Variants in ZDHHC11 observed in about 807,000 individuals in gnomAD.
ZDHHC11 encodes palmitoyltransferase ZDHHC11.
A neutral mutation model predicts 51.3 loss-of-function variants in ZDHHC11; 44 were observed. The ratio of observed to expected loss-of-function variants is 0.86; its 90% CI spans 0.67 to 1.10. The LOEUF is 1.10. Ranked by LOEUF, ZDHHC11 falls within the 50% of genes least tolerant of loss-of-function variation. The pLI, the probability that ZDHHC11 is intolerant of heterozygous loss-of-function variation, is 0.00. For missense variants in ZDHHC11, 400 were observed against 537.7 expected (o/e 0.74, Z 2.53); for synonymous variants, 163 against 222.0 (o/e 0.73, Z 2.36).
chr5:846,543 G>C (rs112874620), intron 3 of ZDHHC11, among the ~76,000 whole-genome samples: 13 of 132,766 alleles, frequency 9.8e-5, no homozygotes, highest in African/African-American at 2.9e-4. Context: ...GGGGAAACAC[G>C]TCTCATCTGT....
chr5:844,128 C>T (rs1301942509), intron 3 of ZDHHC11, among the ~76,000 whole-genome samples: 11 of 151,938 alleles, frequency 7.2e-5, no homozygotes, highest in Non-Finnish European at 1.5e-4. Context: ...GGCCACCGCC[C>T]AACGCTGGCC....
intron 12 of ZDHHC11, among the ~76,000 whole-genome samples, chr5:800,180 G>A (rs918320829): frequency 6.6e-6 from 1 of 151,104 alleles, no homozygotes; most frequent in African/African-American, 2.4e-5. Context: ...GTGGGAAGCT[G>A]CCTGGAGCAC....
rs1000595979 is a variant in ZDHHC11, at chr5:795,672, T to C, written c.*916A>G. On this transcript the variant is annotated 3_prime_UTR_variant, in exon 13 of 13. Coordinates refer to ENST00000283441, the MANE Select transcript of ZDHHC11 (RefSeq NM_024786.3). ...TTTTAAAAAATGACTACTAAACAGATTAAAATGCAGAGTTCATTAAAATAC... is the reference window on the plus strand; with the variant it reads ...TTTTAAAAAATGACTACTAAACAGACTAAAATGCAGAGTTCATTAAAATAC... The C allele has an allele frequency of 1.9e-5, 3 of 154,064 alleles. No homozygotes were observed. The highest frequency in any genetic ancestry group is 4.4e-5 in the Non-Finnish European group (3 of 67,914). 9.5% of individuals were successfully genotyped at this position (154,064 alleles called of 1,614,324 possible).
In ZDHHC11 at chr5:814,730, C is replaced by G. The variant is rs373922992; in HGVS notation, c.1181+31G>C. 3.9e-6 allele frequency: 6 copies of G among 1,541,120 alleles called. 1 individual carries two copies. The Admixed American group carries it at 6.4e-5, about 16-fold the overall frequency. On this transcript the variant is annotated intron_variant, in intron 11 of 12. Coordinates refer to ENST00000283441, the MANE Select transcript of ZDHHC11 (RefSeq NM_024786.3). Reference sequence around the variant, plus strand: ...GAGTTCAGGCAAGTGTAGAGACAGACAAAACGTTCCCGTTAAACTTACGAA... The same window carrying G: ...GAGTTCAGGCAAGTGTAGAGACAGAGAAAACGTTCCCGTTAAACTTACGAA...
At position 805,939 on chromosome 5, in the gene ZDHHC11, T is replaced by A. The variant is rs1467848865; in HGVS notation, c.1182-4775A>T. Among the ~76,000 whole-genome samples the A allele has an allele frequency of 2.0e-5, 3 of 151,006 alleles. 1 individual carries two copies. The highest frequency in any genetic ancestry group is 7.3e-5 in the African/African-American group (3 of 41,092). ...TAAGCACAAGGGTGGTAGCTAAGTG[T>A]TCATATATGGAACATGTTGCTGACC... On this transcript the variant is annotated intron_variant, in intron 11 of 12. Transcript: ENST00000283441.
At chr5:809,041 C>G (rs2150306002) in intron 11 of ZDHHC11, among the ~76,000 whole-genome samples, 1 of 141,340 alleles carries the variant, frequency 7.1e-6, no homozygotes, top group South Asian at 2.3e-4. Context: ...CCACCTGTCT[C>G]CTATATGCAG....
At position 850,637 on chromosome 5, in the gene ZDHHC11, A is replaced by G. The variant is rs774762246; in HGVS notation, c.-35T>C. The G allele has an allele frequency of 6.9e-6, 11 of 1,602,102 alleles. No homozygotes were observed. The Admixed American group carries it at 8.4e-5, about 12-fold the overall frequency. On this transcript the variant is annotated 5_prime_UTR_variant, in exon 1 of 13. It removes the in-frame stop codon of an upstream open reading frame in the 5' UTR. Transcript: ENST00000283441. Reference sequence around the variant, plus strand: ...ACAGAAGGGGAGGACCTGCGCCGTCAGATCCTGGGAGGGCCGGCCCCGCCC... The same window carrying G: ...ACAGAAGGGGAGGACCTGCGCCGTCGGATCCTGGGAGGGCCGGCCCCGCCC...
chr5:835,564 T>C (rs1259702277), intron 6 of ZDHHC11, among the ~76,000 whole-genome samples: 1 of 151,994 alleles, frequency 6.6e-6, no homozygotes, highest in Non-Finnish European at 1.5e-5. Context: ...ATCATTTGGC[T>C]AGTACAGTAG....
intron 6 of ZDHHC11, among the ~76,000 whole-genome samples, chr5:834,130 TACA>T (rs1335800267): frequency 6.6e-6 from 1 of 152,308 alleles, no homozygotes; most frequent in African/African-American, 2.4e-5. Context: ...GCAATTTCTC[TACA>T]ACTTCACCAA....
At chr5:834,264 G>T (rs1435749960) in intron 6 of ZDHHC11, among the ~76,000 whole-genome samples, 7 of 152,288 alleles carry the variant, frequency 4.6e-5, no homozygotes, top group African/African-American at 7.2e-5. Flanking sequence ...TTTTCCATGT[G>T]CTTATGTGGC....
intron 11 of ZDHHC11, among the ~76,000 whole-genome samples, chr5:808,191 G>T (rs576895417): frequency 3.5e-4 from 53 of 150,918 alleles, no homozygotes; most frequent in African/African-American, 1.3e-3. Flanking sequence ...GGGGATGGGA[G>T]GGGTCAAGTT....
In ZDHHC11 at chr5:843,894, G is replaced by A. The variant is rs1255631737; in HGVS notation, c.504-170C>T. The A allele has an allele frequency of 3.2e-4, 107 of 330,262 alleles. No individual in the cohort carries two copies. In the African/African-American group the frequency reaches 3.9e-3, roughly 12 times the overall value. 20.5% of individuals were successfully genotyped at this position (330,262 alleles called of 1,614,324 possible). On this transcript the variant is annotated intron_variant, in intron 3 of 12. Coordinates refer to ENST00000283441, the MANE Select transcript of ZDHHC11 (RefSeq NM_024786.3). ...GGGCATGTGGGACAGGTGTGGGGGC[G>A]GGGAGGCAGGGGCAGGGACACGCAG...
intron 3 of ZDHHC11, among the ~76,000 whole-genome samples, chr5:845,002 C>A (rs1487842193): frequency 1.3e-5 from 2 of 152,292 alleles, no homozygotes; most frequent in Non-Finnish European, 2.9e-5. Flanking sequence ...TTATGTTCAC[C>A]TAAGCTTGTT....
intron 1 of ZDHHC11, among the ~76,000 whole-genome samples, chr5:856,692 C>T (rs58153322): frequency 0.019 from 2,833 of 151,796 alleles, 87 homozygotes; most frequent in African/African-American, 0.065. Flanking sequence ...ACACCAACCA[C>T]AAACGCATCA....
intron 3 of ZDHHC11, among the ~76,000 whole-genome samples, chr5:846,681 C>G (rs1449642797): frequency 6.7e-6 from 1 of 148,454 alleles, no homozygotes; most frequent in Admixed American, 6.7e-5. Context: ...GAGCCTCCAC[C>G]ATGCTCAGGG....
At chr5:838,253 C>T (rs1417066979) in intron 5 of ZDHHC11, among the ~76,000 whole-genome samples, 2 of 151,982 alleles carry the variant, frequency 1.3e-5, no homozygotes, top group Admixed American at 1.3e-4. Context: ...AAAGCAAAAC[C>T]TGATACACCC....
chr5:796,817 T>G (rs1348686910), intron 12 of ZDHHC11, among the ~76,000 whole-genome samples: 3 of 152,226 alleles, frequency 2.0e-5, no homozygotes, highest in Non-Finnish European at 4.4e-5. Flanking sequence ...AGCTTAGAGA[T>G]GAGTGCATCA....
chr5:815,810 T>G (rs1740710447), intron 10 of ZDHHC11, among the ~76,000 whole-genome samples: 1 of 151,566 alleles, frequency 6.6e-6, no homozygotes, highest in Non-Finnish European at 1.5e-5. Flanking sequence ...AAAGATAGGT[T>G]GCCCAGGCTG....
chr5:815,572 T>G (rs1202882078), intron 10 of ZDHHC11, among the ~76,000 whole-genome samples: 1 of 151,468 alleles, frequency 6.6e-6, no homozygotes, highest in Non-Finnish European at 1.5e-5. Flanking sequence ...TTCTTTTTAA[T>G]TATATTTTTT....
Sources: allele counts gnomAD v4.1 joint callset (sites outside exome capture counted in the v4.1 genomes callset), GRCh38; gene constraint gnomAD v4.1.1; transcripts MANE v1.5; gene names NCBI Gene and HGNC (gene_info 2026-07-23, HGNC 2026-07-21).